Variants in SGK3 observed in about 807,000 individuals in gnomAD.
The protein encoded by SGK3 is serum/glucocorticoid regulated kinase family member 3, also known as serine/threonine-protein kinase Sgk3.
Under a neutral mutation model 68.5 loss-of-function variants are expected in SGK3, and 47 were observed. That is an observed-to-expected ratio of 0.69 (90% CI 0.54 to 0.87). The LOEUF (loss-of-function observed/expected upper bound fraction) is 0.87, where lower values mean the gene tolerates loss of function less well. SGK3 is among the 40% of genes least tolerant of loss of function. The probability of loss-of-function intolerance (pLI) is 0.00; values close to 1 mark genes in which losing one functional copy is unlikely to be tolerated. For synonymous variants in SGK3, 181 were observed against 189.1 expected, an observed-to-expected ratio of 0.96 and a Z score of 0.35; for missense variants, 479 against 575.5, an observed-to-expected ratio of 0.83 and a Z score of 1.72.
chr8:66,814,854 T>C (rs910420863), intron 5 of SGK3, among the ~76,000 whole-genome samples: 7 of 152,242 alleles, frequency 4.6e-5, no homozygotes, highest in African/African-American at 1.4e-4. Flanking sequence ...TTTTCATTTT[T>C]GAGTCTGGTA....
intron 16 of SGK3, among the ~76,000 whole-genome samples, chr8:66,855,527 T>C (rs1219462702): frequency 6.6e-6 from 1 of 152,190 alleles, no homozygotes; most frequent in Non-Finnish European, 1.5e-5. Flanking sequence ...TTAGTATATG[T>C]GCTGCCGAAG....
chr8:66,749,932 G>GGTGTGTGTGTGTGT (rs139702561), intron 1 of SGK3, among the ~76,000 whole-genome samples: 2 of 144,834 alleles, frequency 1.4e-5, no homozygotes, highest in African/African-American at 5.1e-5. Flanking sequence ...TAGTTTCTAG[G>GGTGTGTGTGTGTGT]GTGTGTGTGT....
rs570940847 is a variant in SGK3 at position 66,811,909 on chromosome 8, A to T, written c.254-1944A>T. On this transcript the variant is annotated intron_variant, in intron 4 of 16. Transcript: ENST00000521198. Reference sequence around the variant, plus strand: ...ATGTGCTTTGCTACCTAGTGACATTATAAATGTCCTTGGAAGAGTTTAATG... The same window carrying T: ...ATGTGCTTTGCTACCTAGTGACATTTTAAATGTCCTTGGAAGAGTTTAATG... Among the ~76,000 whole-genome samples the T allele has an allele frequency of 3.3e-5, 5 of 152,354 alleles. No individual in the cohort carries two copies. The South Asian group carries it at 8.3e-4, about 25-fold the overall frequency.
At chr8:66,819,778 GTAGTTTTTGTTTTTT>G (rs1808733374) in intron 5 of SGK3, among the ~76,000 whole-genome samples, 1 of 151,032 alleles carries the variant, frequency 6.6e-6, no homozygotes, top group African/African-American at 2.4e-5. Flanking sequence ...ATACAATTCA[GTAGTTTTTGTTTTTT>G]TTGTTTTTGT....
At chr8:66,784,800 C>T (rs1477731376) in intron 1 of SGK3, among the ~76,000 whole-genome samples, 3 of 152,174 alleles carry the variant, frequency 2.0e-5, no homozygotes, top group African/African-American at 7.2e-5. Flanking sequence ...CATAGCGTTT[C>T]ACCCATATTG....
At chr8:66,803,350 G>A (rs1171658605) in intron 3 of SGK3, among the ~76,000 whole-genome samples, 7 of 151,934 alleles carry the variant, frequency 4.6e-5, no homozygotes, top group Admixed American at 4.6e-4. Flanking sequence ...TTTTTGGTGA[G>A]ACAGGTTGTT....
intron 1 of SGK3, among the ~76,000 whole-genome samples, chr8:66,742,185 G>A (rs1805500789): frequency 6.6e-6 from 1 of 152,106 alleles, no homozygotes. Flanking sequence ...TGAAAGAAAG[G>A]ATATCTCTTT....
At chr8:66,778,947 G>A (rs1351841600) in intron 1 of SGK3, among the ~76,000 whole-genome samples, 1 of 152,140 alleles carries the variant, frequency 6.6e-6, no homozygotes, top group Non-Finnish European at 1.5e-5. Flanking sequence ...TTTTGTTTTT[G>A]TATTTCTAGA....
intron 1 of SGK3, among the ~76,000 whole-genome samples, chr8:66,758,004 C>CACACT (rs1228444633): frequency 3.2e-4 from 46 of 142,350 alleles, no homozygotes; most frequent in African/African-American, 1.3e-3. Context: ...TATATACACA[C>CACACT]ACACACTACA....
At chr8:66,802,124 C>G (rs1807969431) in intron 3 of SGK3, among the ~76,000 whole-genome samples, 1 of 151,950 alleles carries the variant, frequency 6.6e-6, no homozygotes, top group South Asian at 2.1e-4. Flanking sequence ...TCATCACTTT[C>G]TATGTCTCTC....
intron 5 of SGK3, among the ~76,000 whole-genome samples, chr8:66,814,404 C>T (rs897519475): frequency 2.0e-5 from 3 of 152,104 alleles, no homozygotes; most frequent in African/African-American, 7.2e-5. Context: ...AAGGTGTAGG[C>T]ATATCTTCTT....
chr8:66,720,575 G>T (rs2130331306), intron 1 of SGK3, among the ~76,000 whole-genome samples: 1 of 151,236 alleles, frequency 6.6e-6, no homozygotes, highest in Non-Finnish European at 1.5e-5. Context: ...TTTGAGACCA[G>T]CCTGGCCAAC....
intron 3 of SGK3, among the ~76,000 whole-genome samples, chr8:66,801,137 T>A (rs1807927246): frequency 6.6e-6 from 1 of 152,244 alleles, no homozygotes; most frequent in Non-Finnish European, 1.5e-5. Flanking sequence ...AGAAGTGATT[T>A]GGATTTCAAA....
intron 14 of SGK3, among the ~76,000 whole-genome samples, chr8:66,845,425 C>A (rs1211294680): frequency 6.6e-6 from 1 of 152,036 alleles, no homozygotes; most frequent in Non-Finnish European, 1.5e-5. Context: ...CAAAAAAAGT[C>A]ATATTTTAAA....
At chr8:66,817,071 C>A (rs1330398881) in intron 5 of SGK3, among the ~76,000 whole-genome samples, 1 of 152,058 alleles carries the variant, frequency 6.6e-6, no homozygotes, top group Admixed American at 6.5e-5. Flanking sequence ...CTCAGATGAT[C>A]TGCCTCCCAA....
intron 1 of SGK3, among the ~76,000 whole-genome samples, chr8:66,762,501 G>C (rs1383161544): frequency 6.6e-6 from 1 of 152,006 alleles, no homozygotes. Context: ...TGGCGATGGA[G>C]TGAGACCGCG....
chr8:66,717,259 G>A (rs1045507669), intron 1 of SGK3, among the ~76,000 whole-genome samples: 13 of 150,908 alleles, frequency 8.6e-5, no homozygotes, highest in African/African-American at 2.9e-4. Context: ...GCTGGGCTTG[G>A]TGGCTCACGC....
At chr8:66,839,537 A>G (rs1209310736) in intron 10 of SGK3, among the ~76,000 whole-genome samples, 71 of 76,066 alleles carry the variant, frequency 9.3e-4, no homozygotes, top group African/African-American at 3.3e-3. Flanking sequence ...ATATATATAT[A>G]TATATATATA....
chr8:66,817,276 CA>C (rs1428517048), intron 5 of SGK3, among the ~76,000 whole-genome samples: 1 of 151,854 alleles, frequency 6.6e-6, no homozygotes, highest in Non-Finnish European at 1.5e-5. Context: ...ACTAAAAATA[CA>C]AAAATTAACC....
Sources: gnomAD v4.1 joint callset for allele counts (sites outside exome capture counted in the v4.1 genomes callset) on GRCh38, gnomAD v4.1.1 for gene constraint, MANE v1.5 for transcripts, NCBI Gene and HGNC (gene_info 2026-07-23, HGNC 2026-07-21) for gene names.